The following ADAMTSL3 variants were observed in gnomAD, a reference collection of about 807,000 sequenced individuals.
The protein encoded by ADAMTSL3 is ADAMTS like 3.
A neutral mutation model predicts 201.7 loss-of-function variants in ADAMTSL3; 128 were observed. The ratio of observed to expected loss-of-function variants is 0.63; its 90% confidence interval spans 0.55 to 0.73. The LOEUF is 0.73. ADAMTSL3 is among the 30% of genes least tolerant of loss of function. The pLI is 0.00. For missense variants in ADAMTSL3, 1,990 were observed against 2,119.6 expected, an observed-to-expected ratio of 0.94 and a Z score of 1.20; for synonymous variants, 738 against 748.4, an observed-to-expected ratio of 0.99 and a Z score of 0.23.
At chr15:83,805,665 A>T (rs2063591930) in intron 5 of ADAMTSL3, among the ~76,000 whole-genome samples, 1 of 152,226 alleles carries the variant, frequency 6.6e-6, no homozygotes, top group African/African-American at 2.4e-5. Context: ...GAGGCTAACT[A>T]GAGGTACTTG....
At chr15:83,760,676 G>A (rs2062795283) in intron 3 of ADAMTSL3, among the ~76,000 whole-genome samples, 1 of 151,930 alleles carries the variant, frequency 6.6e-6, no homozygotes, top group East Asian at 1.9e-4. Context: ...ATGTTGTTAG[G>A]TACTTTCACT....
At chr15:84,017,812 A>T (rs2068115428) in intron 25 of ADAMTSL3, among the ~76,000 whole-genome samples, 1 of 152,230 alleles carries the variant, frequency 6.6e-6, no homozygotes, top group Non-Finnish European at 1.5e-5. Flanking sequence ...GGGGTTGCAG[A>T]TGACCTCCTC....
chr15:83,687,203 C>CTAAAA (rs1394281299), intron 2 of ADAMTSL3, among the ~76,000 whole-genome samples: 1 of 151,902 alleles, frequency 6.6e-6, no homozygotes, highest in African/African-American at 2.4e-5. Flanking sequence ...AACTCTATCT[C>CTAAAA]TAAAATAAAA....
intron 8 of ADAMTSL3, among the ~76,000 whole-genome samples, chr15:83,865,187 C>G (rs1567199070): frequency 6.6e-6 from 1 of 152,090 alleles, no homozygotes; most frequent in African/African-American, 2.4e-5. Flanking sequence ...GGCCATACTG[C>G]CCAAGGTAAT....
intron 5 of ADAMTSL3, among the ~76,000 whole-genome samples, chr15:83,815,763 C>T (rs2063762022): frequency 1.3e-5 from 2 of 152,226 alleles, no homozygotes. Flanking sequence ...CTTTGAGAAT[C>T]AGTCTTGGCT....
intron 2 of ADAMTSL3, among the ~76,000 whole-genome samples, chr15:83,694,995 T>C (rs2061660198): frequency 6.6e-6 from 1 of 151,966 alleles, no homozygotes; most frequent in Non-Finnish European, 1.5e-5. Context: ...TGCTTGCCAA[T>C]GCTAACTAGG....
At chr15:83,774,514 A>G (rs1431147556) in intron 4 of ADAMTSL3, among the ~76,000 whole-genome samples, 1 of 152,174 alleles carries the variant, frequency 6.6e-6, no homozygotes, top group Admixed American at 6.5e-5. Context: ...GAGATTGTAC[A>G]TGTGGCCTTT....
chr15:83,974,228 G>A (rs2067243373), intron 20 of ADAMTSL3, among the ~76,000 whole-genome samples: 1 of 152,158 alleles, frequency 6.6e-6, no homozygotes, highest in South Asian at 2.1e-4. Context: ...TTGTGGTTGA[G>A]CTAACTCACC....
At chr15:83,956,795 A>G (rs2066871492) in intron 19 of ADAMTSL3, among the ~76,000 whole-genome samples, 1 of 152,172 alleles carries the variant, frequency 6.6e-6, no homozygotes, top group African/African-American at 2.4e-5. Context: ...GGTGCTTGGT[A>G]AACACTTTTT....
chr15:83,739,711 G>T, intron 3 of ADAMTSL3: 1 of 345,156 alleles, frequency 2.9e-6, no homozygotes, highest in Non-Finnish European at 6.0e-6. Context: ...CTTCTTGGTA[G>T]TCTGTTAGTG....
intron 6 of ADAMTSL3, among the ~76,000 whole-genome samples, chr15:83,832,439 G>C (rs936164903): frequency 6.6e-6 from 1 of 152,218 alleles, no homozygotes; most frequent in African/African-American, 2.4e-5. Flanking sequence ...TTTGGGTGAT[G>C]AGGAGTGATA....
chr15:83,877,969 A>G (rs12907471), intron 9 of ADAMTSL3, among the ~76,000 whole-genome samples: 21,078 of 152,024 alleles, frequency 0.14, 1,901 homozygotes, highest in Middle Eastern at 0.33. Flanking sequence ...ATTCTTTTGG[A>G]TTGTATACGT....
intron 16 of ADAMTSL3, among the ~76,000 whole-genome samples, chr15:83,920,313 C>A (rs1256918291): frequency 6.6e-6 from 1 of 152,194 alleles, no homozygotes; most frequent in Non-Finnish European, 1.5e-5. Flanking sequence ...TTTCTTCCAG[C>A]TCCTCTTGAC....
intron 4 of ADAMTSL3, among the ~76,000 whole-genome samples, chr15:83,782,890 A>G (rs1343983098): frequency 6.7e-6 from 1 of 149,330 alleles, no homozygotes; most frequent in East Asian, 2.0e-4. Flanking sequence ...GTTAAATTAT[A>G]AAAGAAAGAG....
Position 83,887,935 on chromosome 15 carries a change from A to G in ADAMTSL3, c.1073-2174A>G, listed in dbSNP as rs540796624. Among the ~76,000 whole-genome samples, 9 of 152,332 alleles carry G rather than the reference A, an allele frequency of 5.9e-5. 1 individual carries two copies. In the South Asian group the frequency reaches 1.7e-3, roughly 28 times the overall value. On this transcript the variant is annotated intron_variant, in intron 10 of 29. Transcript: ENST00000286744. ...AAATTTTATTTCTTTGTTCTTACAC[A>G]TAGTCATTCAGAGAGACGTTCACAT... is the stretch of plus-strand genomic sequence containing the variant.
intron 19 of ADAMTSL3, among the ~76,000 whole-genome samples, chr15:83,945,207 C>T (rs966178854): frequency 1.3e-5 from 2 of 152,114 alleles, no homozygotes; most frequent in African/African-American, 4.8e-5. Flanking sequence ...AACTCACAAG[C>T]AGCTGGAGAC....
At chr15:83,900,923 G>A (rs2065711518) in intron 15 of ADAMTSL3, among the ~76,000 whole-genome samples, 1 of 152,164 alleles carries the variant, frequency 6.6e-6, no homozygotes, top group South Asian at 2.1e-4. Flanking sequence ...TTCATGCACT[G>A]TTGTTTTTAG....
At chr15:83,699,566 C>G (rs920393061) in intron 2 of ADAMTSL3, among the ~76,000 whole-genome samples, 12 of 152,220 alleles carry the variant, frequency 7.9e-5, no homozygotes, top group Non-Finnish European at 1.6e-4. Flanking sequence ...CTAGCTCAGT[C>G]TCCACAAAGC....
chr15:83,808,929 A>G (rs7173592), intron 5 of ADAMTSL3, among the ~76,000 whole-genome samples: 1 of 151,838 alleles, frequency 6.6e-6, no homozygotes, highest in East Asian at 1.9e-4. Flanking sequence ...AAAAAAAAAA[A>G]AACAACTTGA....
Sources: allele counts gnomAD v4.1 joint callset (sites outside exome capture counted in the v4.1 genomes callset), GRCh38; gene constraint gnomAD v4.1.1; transcripts MANE v1.5; gene names NCBI Gene and HGNC (gene_info 2026-07-23, HGNC 2026-07-21).